The following IPO8 variants were observed in gnomAD, a reference collection of about 807,000 sequenced individuals.
IPO8 encodes importin-8.
A neutral mutation model predicts 141.2 loss-of-function variants in IPO8; 65 were observed. The ratio of observed to expected loss-of-function variants is 0.46; its 90% CI spans 0.38 to 0.57. The LOEUF is 0.57. IPO8 is among the 20% of genes least tolerant of loss of function. The pLI, the probability that IPO8 is intolerant of heterozygous loss-of-function variation, is 0.00. For missense variants in IPO8, 980 were observed against 1,246.8 expected (o/e 0.79, Z 3.22); for synonymous variants, 411 against 420.3 (o/e 0.98, Z 0.27).
chr12:30,674,603 T>C (rs888421460), intron 7 of IPO8, 56 bp downstream of exon 7: 6 of 1,252,946 alleles, frequency 4.8e-6, no homozygotes, highest in African/African-American at 1.5e-5. Context: ...CAGATAATCA[T>C]ATCTGATACT....
rs552916867 is a variant in IPO8, at chr12:30,642,877, A to G, written c.2269-3142T>C. ...CATAAGACAAATTCAAGAGGCTCCC[A>G]TGGGACAAAAATGAAACTATGTATA... On this transcript the variant is annotated intron_variant, in intron 20 of 24. Transcript: ENST00000256079. Among the ~76,000 whole-genome samples, 4 of 152,254 alleles carry G rather than the reference A, an allele frequency of 2.6e-5. No individual in the cohort carries two copies. The South Asian group carries it at 8.3e-4, about 32-fold the overall frequency.
chr12:30,638,210 C>T (rs1008558138), intron 21 of IPO8, among the ~76,000 whole-genome samples: 2 of 152,198 alleles, frequency 1.3e-5, no homozygotes, highest in African/African-American at 4.8e-5. Flanking sequence ...CATAAGAGAA[C>T]CAACCGCTTA....
At chr12:30,644,640 GTTTT>G (rs796136798) in intron 20 of IPO8, among the ~76,000 whole-genome samples, 1 of 89,556 alleles carries the variant, frequency 1.1e-5, no homozygotes, top group Non-Finnish European at 2.3e-5. Flanking sequence ...GCTTTTTGGT[GTTTT>G]TTTTTTTTGT....
chr12:30,681,759 G>C lies in IPO8; in HGVS notation c.382C>G (p.Pro128Ala). ...IIKHDFPGHWPGVVDKIDYYL... is the reference protein window; with the variant it reads ...IIKHDFPGHWAGVVDKIDYYL... ...TAGTCTATCTTGTCGACCACTCCTG[G>C]CCAGTGACCAGGAAAATCATGTTTT... is the stretch of plus-strand genomic sequence containing the variant. Residue 128 changes from proline (P) to alanine (A), a missense_variant, in exon 4 of 25, where the codon CCA becomes GCA. Coordinates refer to ENST00000256079, the MANE Select transcript of IPO8 (RefSeq NM_006390.4). 1 of 1,613,712 alleles carries C rather than the reference G, an allele frequency of 6.2e-7. No homozygotes were observed. Among genetic ancestry groups the C allele is most frequent in the Non-Finnish European group, 8.5e-7 (1 of 1,179,692 alleles).
At chr12:30,692,514 A>T (rs1222889384) in intron 1 of IPO8, among the ~76,000 whole-genome samples, 1 of 152,240 alleles carries the variant, frequency 6.6e-6, no homozygotes, top group East Asian at 1.9e-4. Flanking sequence ...TAAAAAATAA[A>T]TAAGACTAAT....
intron 19 of IPO8, among the ~76,000 whole-genome samples, chr12:30,649,966 A>G (rs1264305514): frequency 5.3e-5 from 8 of 152,010 alleles, no homozygotes. Flanking sequence ...ACTTAAAGAA[A>G]TAAGGGTGGG....
At position 30,681,663 on chromosome 12, in the gene IPO8, A is replaced by C; in HGVS notation, c.478T>G (p.Tyr160Asp). The part of the protein sequence containing the change: ...LLCLYQLVKT[Y>D]EYKKAEEREP... The stretch of plus-strand genomic sequence containing the variant: ...AGCCAATGGAAACCAACTTACTCAT[A>C]TGTCTTCACCAGTTGATACAGGCAT... Residue 160 changes from tyrosine to aspartate, a missense_variant, in exon 4 of 25, where the codon TAT becomes GAT. This residue lies in a region of IPO8 where 924 missense variants were observed against 1,153.9 expected (regional missense o/e 0.80). Coordinates refer to ENST00000256079, the MANE Select transcript of IPO8 (RefSeq NM_006390.4). 1 of 1,610,336 alleles carries C rather than the reference A, an allele frequency of 6.2e-7. No homozygotes were observed.
intron 20 of IPO8, among the ~76,000 whole-genome samples, chr12:30,641,999 T>C (rs921410458): frequency 2.0e-5 from 3 of 152,108 alleles, no homozygotes; most frequent in South Asian, 2.1e-4. Flanking sequence ...GTTTGAGACC[T>C]GCCTGGCCAA....
chr12:30,676,978 A>G lies in IPO8; in HGVS notation c.640-391T>C, dbSNP rs2053129566. 6 of 1,531,174 alleles carry G rather than the reference A, an allele frequency of 3.9e-6. No individual in the cohort carries two copies. The South Asian group carries it at 7.2e-5, about 18-fold the overall frequency. The allele number at this position is 1,531,174 out of a possible 1,614,324, so 94.8% of individuals were successfully genotyped here. A position where few individuals can be genotyped will look rare whatever the true frequency, so the allele number is the denominator to read the frequency against. On this transcript the variant is annotated intron_variant, in intron 5 of 24. Transcript: ENST00000256079. ...AAACACTCATGAAACATTTTTTTAA[A>G]TTACTTTCCTCTACACTGTAGCATA...
At chr12:30,668,837 A>G (rs2053006431) in intron 10 of IPO8, among the ~76,000 whole-genome samples, 1 of 152,220 alleles carries the variant, frequency 6.6e-6, no homozygotes, top group African/African-American at 2.4e-5. Flanking sequence ...GCAGAAATCC[A>G]AAGTATTTCC....
At chr12:30,633,779 C>A (rs1463640886) in intron 23 of IPO8, among the ~76,000 whole-genome samples, 1 of 152,156 alleles carries the variant, frequency 6.6e-6, no homozygotes, top group Non-Finnish European at 1.5e-5. Context: ...AATGCTTGCC[C>A]ATTTATGCCT....
intron 6 of IPO8, among the ~76,000 whole-genome samples, chr12:30,675,446 A>T (rs1326636545): frequency 6.6e-6 from 1 of 152,174 alleles, no homozygotes; most frequent in East Asian, 1.9e-4. Context: ...ATAATCATAT[A>T]TGTGCACAAA....
At chr12:30,688,440 C>G (rs1342877770) in intron 2 of IPO8, 2 of 439,650 alleles carry the variant, frequency 4.5e-6, no homozygotes, top group East Asian at 1.5e-4. Context: ...AGATGTATTT[C>G]CACTTAACAT....
intron 13 of IPO8, among the ~76,000 whole-genome samples, 167 bp downstream of exon 13, chr12:30,665,053 C>A (rs1221018443): frequency 2.0e-5 from 3 of 152,156 alleles, no homozygotes; most frequent in Non-Finnish European, 2.9e-5. Context: ...AAATCTTTTT[C>A]TTTAATAGTC....
chr12:30,649,074 T>C (rs2052687696), intron 20 of IPO8, 63 bp downstream of exon 20: 1 of 1,028,676 alleles, frequency 9.7e-7, no homozygotes, highest in Admixed American at 1.8e-5. Flanking sequence ...AAATGAAAAG[T>C]CAAGCAGGCA....
intron 1 of IPO8, chr12:30,694,865 T>G (rs1440026522): frequency 5.2e-6 from 2 of 386,244 alleles, no homozygotes; most frequent in African/African-American, 2.1e-5. Context: ...TTTTGAAGTG[T>G]GGGGGTAACG....
At chr12:30,672,978 C>T (rs532887560) in intron 8 of IPO8, among the ~76,000 whole-genome samples, 3 of 152,108 alleles carry the variant, frequency 2.0e-5, no homozygotes, top group South Asian at 2.1e-4. Flanking sequence ...AATCTAGAGC[C>T]GGGCACGGTG....
chr12:30,638,442 C>G (rs1298762935), intron 21 of IPO8, among the ~76,000 whole-genome samples: 1 of 152,188 alleles, frequency 6.6e-6, no homozygotes, highest in African/African-American at 2.4e-5. Context: ...TCCATCTTCT[C>G]CTGCCTGTGG....
At chr12:30,639,788 A>G (rs1591822671) in intron 20 of IPO8, 53 bp from the exon 21 acceptor site, 1 of 1,291,142 alleles carries the variant, frequency 7.7e-7, no homozygotes, top group East Asian at 2.3e-5. Flanking sequence ...AGTAACTTTT[A>G]TAGAAGCTGA....
Sources: allele counts gnomAD v4.1 joint callset (sites outside exome capture counted in the v4.1 genomes callset), GRCh38; gene constraint gnomAD v4.1.1; regional missense constraint gnomAD v4.1.1; transcripts MANE v1.5; gene names NCBI Gene and HGNC (gene_info 2026-07-23, HGNC 2026-07-21).